Variants in JMY observed in about 807,000 individuals in gnomAD.
The protein encoded by JMY is junction mediating and regulatory protein, p53 cofactor, also known as junction-mediating and -regulatory protein.
Under a neutral mutation model 103.3 loss-of-function variants are expected in JMY, and 46 were observed. That is an observed-to-expected ratio of 0.45 (90% CI 0.35 to 0.57). JMY has a LOEUF of 0.57. Ranked by LOEUF, JMY falls within the 20% of genes least tolerant of loss-of-function variation. JMY has a pLI of 0.00. For missense variants in JMY, 1,238 were observed against 1,255.2 expected, an observed-to-expected ratio of 0.99 and a Z score of 0.21; for synonymous variants, 526 against 489.3, an observed-to-expected ratio of 1.07 and a Z score of -0.99.
chr5:79,316,443 ATT>A, intron 10 of JMY, 133 bp downstream of exon 10: 2 of 628,460 alleles, frequency 3.2e-6, no homozygotes, highest in Non-Finnish European at 5.5e-6. Flanking sequence ...TGGATCACAA[ATT>A]TATGAACTTC....
chr5:79,253,331 C>T (rs1387428865), intron 1 of JMY, among the ~76,000 whole-genome samples: 2 of 151,738 alleles, frequency 1.3e-5, no homozygotes, highest in African/African-American at 2.4e-5. Flanking sequence ...CTCGCTCTGT[C>T]GCCCAGGCTG....
At chr5:79,283,050 G>C (rs1190573620) in intron 2 of JMY, among the ~76,000 whole-genome samples, 2 of 151,362 alleles carry the variant, frequency 1.3e-5, no homozygotes, top group Non-Finnish European at 2.9e-5. Context: ...AGGCTGGAGT[G>C]CAGTGGTGCA....
At chr5:79,275,279 G>A (rs1222450061) in intron 1 of JMY, among the ~76,000 whole-genome samples, 1 of 151,358 alleles carries the variant, frequency 6.6e-6, no homozygotes, top group Non-Finnish European at 1.5e-5. Flanking sequence ...TCCTGCCTCA[G>A]CCTCCCGAGC....
intron 1 of JMY, among the ~76,000 whole-genome samples, chr5:79,260,019 G>A (rs1745373061): frequency 6.6e-6 from 1 of 152,226 alleles, no homozygotes; most frequent in South Asian, 2.1e-4. Context: ...GTGCCCGACT[G>A]TACTGCTACC....
rs571875884 is a variant in JMY, at chr5:79,319,808, G to A, written c.*4-1798G>A. ...TTGGCCAGGCTGGTCTCAAACTCCT[G>A]ATCTCAGGTGATCCACCTGCTTCTG... On this transcript the variant is annotated intron_variant, in intron 10 of 10. Coordinates refer to ENST00000396137, the MANE Select transcript of JMY (RefSeq NM_152405.5). Among the ~76,000 whole-genome samples the A allele has an allele frequency of 5.3e-5, 8 of 152,220 alleles. No homozygotes were observed. In the East Asian group the frequency reaches 1.5e-3, roughly 29 times the overall value.
intron 1 of JMY, among the ~76,000 whole-genome samples, chr5:79,270,546 ATG>A (rs60026372): frequency 0.14 from 17,492 of 127,646 alleles, 5,335 homozygotes; most frequent in Non-Finnish European, 0.18. Context: ...AATATTTAAA[ATG>A]TATATTTACA....
At chr5:79,240,215 C>T (rs1053768584) in intron 1 of JMY, among the ~76,000 whole-genome samples, 6 of 151,848 alleles carry the variant, frequency 4.0e-5, no homozygotes. Context: ...GGGGTTTTAC[C>T]ATGTTGGCCA....
At position 79,326,687 on chromosome 5, in the gene JMY, A is replaced by T. The variant is rs1215200058; in HGVS notation, c.*5085A>T. ...GCCCATTAGGGCTAAGGAGACTGAC[A>T]TGATTTTTATCGGTTCTGGGTAAAT... On this transcript the variant is annotated 3_prime_UTR_variant, in exon 11 of 11. Transcript: ENST00000396137. The T allele has an allele frequency of 6.6e-6, 1 of 152,206 alleles. No individual in the cohort carries two copies. The highest frequency in any genetic ancestry group is 1.5e-5 in the Non-Finnish European group (1 of 68,020). The allele number at this position is 152,206 out of a possible 1,614,324, so 9.4% of individuals were successfully genotyped here. A position where few individuals can be genotyped will look rare whatever the true frequency, so the allele number is the denominator to read the frequency against.
intron 1 of JMY, among the ~76,000 whole-genome samples, chr5:79,260,557 GTT>G (rs1330502586): frequency 2.8e-5 from 4 of 142,612 alleles, no homozygotes; most frequent in Non-Finnish European, 1.5e-5. Flanking sequence ...ATTTTTGTGG[GTT>G]TTTTTTTTTT....
rs540144507 is a variant in JMY at position 79,316,763 on chromosome 5, G to A, written c.*3+453G>A. On this transcript the variant is annotated intron_variant, in intron 10 of 10. Coordinates refer to ENST00000396137, the MANE Select transcript of JMY (RefSeq NM_152405.5). The stretch of plus-strand genomic sequence containing the variant: ...TCTACTAAAAATATAAAAATTAGCC[G>A]GGCGTGGTGGCGGGCATCTGTAATC... 2.9e-4 allele frequency among the ~76,000 whole-genome samples: 44 copies of A among 151,844 alleles called. 1 individual carries two copies. The South Asian group carries it at 7.9e-3, about 27-fold the overall frequency.
intron 1 of JMY, among the ~76,000 whole-genome samples, chr5:79,271,417 C>T (rs1207751220): frequency 6.6e-6 from 1 of 152,130 alleles, no homozygotes; most frequent in African/African-American, 2.4e-5. Flanking sequence ...AGTATTCCCT[C>T]TACTTCTATT....
chr5:79,310,011 G>A (rs1354002255), intron 7 of JMY, among the ~76,000 whole-genome samples: 1 of 149,396 alleles, frequency 6.7e-6, no homozygotes, highest in East Asian at 2.0e-4. Context: ...TCTATTTTTT[G>A]GGGGCAACAG....
chr5:79,299,806 G>A (rs1344770797), intron 4 of JMY, among the ~76,000 whole-genome samples: 1 of 152,100 alleles, frequency 6.6e-6, no homozygotes, highest in African/African-American at 2.4e-5. Flanking sequence ...ATATATCTCT[G>A]TGAAAAGAAC....
At chr5:79,253,223 TTTGTTG>T (rs565872006) in intron 1 of JMY, among the ~76,000 whole-genome samples, 1 of 152,102 alleles carries the variant, frequency 6.6e-6, no homozygotes, top group African/African-American at 2.4e-5. Flanking sequence ...TGTTGTTTCT[TTTGTTG>T]TTGTTGTTGT....
Position 79,237,680 on chromosome 5 carries a change from G to T in JMY, c.1030G>T (p.Glu344Ter), listed in dbSNP as rs1294915263. The T allele has an allele frequency of 6.2e-7, 1 of 1,610,246 alleles. No individual in the cohort carries two copies. Among genetic ancestry groups the T allele is most frequent in the Admixed American group, 1.7e-5 (1 of 59,662 alleles). Residue 344 changes from glutamate to a stop codon, truncating the protein, a stop_gained and splice_region_variant, in exon 1 of 11, where the codon GAG (glutamate) becomes TAG (stop). Coordinates refer to ENST00000396137, the MANE Select transcript of JMY (RefSeq NM_152405.5). LOFTEE classifies it high-confidence loss of function. ...TCAGCGGGCCAGGAAGCGCATCCAG[G>T]AGGTGAGTGAGTGAGCTCCTAGTCT... is the stretch of plus-strand genomic sequence containing the variant. ...VLQRARKRIQ[E>*]LLDKHKNTES...
intron 10 of JMY, among the ~76,000 whole-genome samples, chr5:79,320,608 G>GC (rs1344677566): frequency 1.3e-5 from 2 of 152,138 alleles, no homozygotes; most frequent in Admixed American, 1.3e-4. Flanking sequence ...ACTGTGCTAG[G>GC]CCCCTGTAGG....
At chr5:79,301,315 A>T (rs1047818008) in intron 6 of JMY, among the ~76,000 whole-genome samples, 1 of 152,060 alleles carries the variant, frequency 6.6e-6, no homozygotes, top group East Asian at 1.9e-4. Context: ...AATGTTTTGC[A>T]CTCTAGTCCA....
intron 5 of JMY, 98 bp from the exon 6 acceptor site, chr5:79,300,578 C>T (rs1274042188): frequency 6.4e-6 from 6 of 944,342 alleles, no homozygotes; most frequent in Non-Finnish European, 9.3e-6. Flanking sequence ...AATGGCTTTG[C>T]CTGAGGTTGC....
At chr5:79,319,945 T>A (rs1747394594) in intron 10 of JMY, among the ~76,000 whole-genome samples, 1 of 152,202 alleles carries the variant, frequency 6.6e-6, no homozygotes, top group Non-Finnish European at 1.5e-5. Context: ...ATTTCTTGAA[T>A]ATTCATAAAG....
Sources: allele counts gnomAD v4.1 joint callset (sites outside exome capture counted in the v4.1 genomes callset), GRCh38; gene constraint gnomAD v4.1.1; transcripts MANE v1.5; gene names NCBI Gene and HGNC (gene_info 2026-07-23, HGNC 2026-07-21).